Variants in SPAG16 observed in about 807,000 individuals in gnomAD.
SPAG16 encodes the protein sperm-associated antigen 16 protein.
SPAG16 carries 86 observed loss-of-function variants against 80.4 expected under a neutral mutation model. The observed-to-expected ratio is 1.07, with a 90% CI of 0.90 to 1.28. The LOEUF (loss-of-function observed/expected upper bound fraction) is 1.28. Among genes scored for constraint, SPAG16 ranks in the 50% most tolerant of loss-of-function variants. The pLI is 0.00. For synonymous variants in SPAG16, 294 were observed against 265.9 expected, an observed-to-expected ratio of 1.11 and a Z score of -1.03; for missense variants, 870 against 765.3, an observed-to-expected ratio of 1.14 and a Z score of -1.61.
At chr2:213,746,444 G>T (rs2067826754) in intron 10 of SPAG16, among the ~76,000 whole-genome samples, 2 of 152,154 alleles carry the variant, frequency 1.3e-5, no homozygotes, top group Non-Finnish European at 2.9e-5. Context: ...ATGTGTTAGT[G>T]CAAGGCAATA....
At chr2:213,975,020 C>G (rs559472701) in intron 12 of SPAG16, among the ~76,000 whole-genome samples, 54 of 146,328 alleles carry the variant, frequency 3.7e-4, no homozygotes, top group African/African-American at 1.3e-3. Flanking sequence ...TGAGAAATTA[C>G]AATAGTCTTT....
chr2:213,963,350 A>T (rs184664267), intron 12 of SPAG16, among the ~76,000 whole-genome samples: 4 of 152,250 alleles, frequency 2.6e-5, no homozygotes, highest in Admixed American at 1.3e-4. Context: ...CTCAAATTTC[A>T]TTAAGTGATT....
intron 15 of SPAG16, among the ~76,000 whole-genome samples, chr2:214,178,749 C>A (rs182236703): frequency 5.9e-5 from 9 of 151,332 alleles, no homozygotes; most frequent in Admixed American, 3.3e-4. Flanking sequence ...TTCTATTACC[C>A]AGTATTCGAA....
At chr2:214,109,667 A>T (rs2053568284) in intron 14 of SPAG16, among the ~76,000 whole-genome samples, 1 of 152,198 alleles carries the variant, frequency 6.6e-6, no homozygotes, top group African/African-American at 2.4e-5. Flanking sequence ...AATTTTAATG[A>T]TGGGCTCAAC....
chr2:213,779,212 C>G (rs1355045853), intron 10 of SPAG16, among the ~76,000 whole-genome samples: 4 of 151,814 alleles, frequency 2.6e-5, no homozygotes, highest in Non-Finnish European at 5.9e-5. Flanking sequence ...TCTTTTTTTC[C>G]AGATGTCCTT....
chr2:213,672,629 A>G (rs2063855635), intron 10 of SPAG16, among the ~76,000 whole-genome samples: 1 of 152,000 alleles, frequency 6.6e-6, no homozygotes, highest in Non-Finnish European at 1.5e-5. Context: ...GTCATGTCAT[A>G]TATTTTTGCA....
At chr2:214,287,938 C>T (rs1201812098) in intron 15 of SPAG16, among the ~76,000 whole-genome samples, 1 of 152,156 alleles carries the variant, frequency 6.6e-6, no homozygotes, top group African/African-American at 2.4e-5. Flanking sequence ...CAAGTCCTCT[C>T]TCCTAGCTAC....
intron 9 of SPAG16, among the ~76,000 whole-genome samples, chr2:213,468,904 A>T (rs2072908972): frequency 6.6e-6 from 1 of 152,182 alleles, no homozygotes; most frequent in African/African-American, 2.4e-5. Context: ...AGCATTCAGC[A>T]TAGGAGAAAG....
At chr2:214,087,010 G>T (rs1411024738) in intron 13 of SPAG16, among the ~76,000 whole-genome samples, 2 of 150,682 alleles carry the variant, frequency 1.3e-5, no homozygotes, top group African/African-American at 4.9e-5. Flanking sequence ...ACCTCAAACT[G>T]CAGTGTTTAC....
At chr2:213,674,122 T>C (rs556389481) in intron 10 of SPAG16, among the ~76,000 whole-genome samples, 21 of 152,276 alleles carry the variant, frequency 1.4e-4, no homozygotes, top group Admixed American at 1.4e-3. Context: ...CTGTGTATTT[T>C]AGTTGAATAT....
intron 4 of SPAG16, among the ~76,000 whole-genome samples, chr2:213,310,764 G>A (rs1049610074): frequency 1.3e-4 from 19 of 151,766 alleles, no homozygotes; most frequent in Admixed American, 6.6e-4. Context: ...ATCAGTAGGT[G>A]TACCTTTATT....
chr2:214,108,388 G>T, intron 14 of SPAG16, 127 bp downstream of exon 14: 3 of 558,252 alleles, frequency 5.4e-6, no homozygotes, highest in Non-Finnish European at 9.1e-6. Context: ...GGAATTAGTT[G>T]TAAACAATAG....
At chr2:213,536,995 A>C (rs565910707) in intron 10 of SPAG16, among the ~76,000 whole-genome samples, 1 of 152,080 alleles carries the variant, frequency 6.6e-6, no homozygotes, top group Non-Finnish European at 1.5e-5. Flanking sequence ...AAAAAAGATG[A>C]GTTCATGTCC....
intron 10 of SPAG16, among the ~76,000 whole-genome samples, chr2:213,602,326 A>G (rs1475044727): frequency 6.6e-6 from 1 of 152,064 alleles, no homozygotes; most frequent in East Asian, 1.9e-4. Flanking sequence ...GGGAAACCAA[A>G]CTAGTATAAT....
At chr2:213,450,852 A>G (rs945316535) in intron 9 of SPAG16, among the ~76,000 whole-genome samples, 7 of 152,192 alleles carry the variant, frequency 4.6e-5, no homozygotes, top group Admixed American at 4.6e-4. Flanking sequence ...ATATCTCTGG[A>G]GAATAATGTT....
At chr2:213,755,674 A>G (rs931696004) in intron 10 of SPAG16, among the ~76,000 whole-genome samples, 1 of 152,200 alleles carries the variant, frequency 6.6e-6, no homozygotes, top group Non-Finnish European at 1.5e-5. Flanking sequence ...GAGAAGATAG[A>G]AAGTTAAAAA....
chr2:214,130,176 C>A (rs2054694545), intron 14 of SPAG16, among the ~76,000 whole-genome samples: 1 of 152,180 alleles, frequency 6.6e-6, no homozygotes, highest in Non-Finnish European at 1.5e-5. Context: ...GATTGGCAAG[C>A]TTCCAAGCCC....
At chr2:214,062,961 A>G (rs2050349749) in intron 13 of SPAG16, among the ~76,000 whole-genome samples, 1 of 152,180 alleles carries the variant, frequency 6.6e-6, no homozygotes, top group African/African-American at 2.4e-5. Context: ...AGCACATTAA[A>G]ATGTTGAAAA....
chr2:214,079,785 A>G (rs111378390), intron 13 of SPAG16, among the ~76,000 whole-genome samples: 51 of 152,314 alleles, frequency 3.3e-4, no homozygotes, highest in African/African-American at 1.0e-3. Context: ...AGACAAGAGA[A>G]AAGACACTGA....
Sources: allele counts gnomAD v4.1 joint callset (sites outside exome capture counted in the v4.1 genomes callset), GRCh38; gene constraint gnomAD v4.1.1; transcripts MANE v1.5; gene names NCBI Gene and HGNC (gene_info 2026-07-23, HGNC 2026-07-21).